The following BBOX1 variants were observed in gnomAD, a reference collection of about 807,000 sequenced individuals.
The protein encoded by BBOX1 is gamma-butyrobetaine dioxygenase.
Under a neutral mutation model 41.6 loss-of-function variants are expected in BBOX1, and 35 were observed. That is an observed-to-expected ratio of 0.84 (90% CI 0.64 to 1.11). BBOX1 has a LOEUF of 1.11. Ranked by LOEUF, BBOX1 falls within the 50% of genes most tolerant of loss-of-function variation. The probability of loss-of-function intolerance (pLI) is 0.00; values close to 1 mark genes in which losing one functional copy is unlikely to be tolerated. For synonymous variants in BBOX1, 163 were observed against 154.7 expected (o/e 1.05, Z -0.40); for missense variants, 458 against 460.6 (o/e 0.99, Z 0.05).
chr11:27,054,574 C>T (rs879730732), intron 2 of BBOX1, among the ~76,000 whole-genome samples: 7 of 152,074 alleles, frequency 4.6e-5, no homozygotes, highest in Admixed American at 3.9e-4. Flanking sequence ...GTTTCCTCTC[C>T]TGTAAATAGT....
At chr11:27,106,398 T>C (rs1213450922) in intron 5 of BBOX1, among the ~76,000 whole-genome samples, 2 of 151,898 alleles carry the variant, frequency 1.3e-5, no homozygotes, top group Non-Finnish European at 2.9e-5. Context: ...GAGGAAGATC[T>C]ACCAGCAAAT....
At chr11:27,045,500 C>T (rs1670357070) in intron 2 of BBOX1, among the ~76,000 whole-genome samples, 2 of 151,698 alleles carry the variant, frequency 1.3e-5, no homozygotes, top group South Asian at 4.2e-4. Context: ...GCATCCTTGT[C>T]TTGTGCCAGT....
At chr11:27,067,266 T>A (rs1033932013) in intron 4 of BBOX1, among the ~76,000 whole-genome samples, 1 of 152,198 alleles carries the variant, frequency 6.6e-6, no homozygotes, top group African/African-American at 2.4e-5. Context: ...AGTGTTTTTT[T>A]ATTACATAAA....
intron 5 of BBOX1, among the ~76,000 whole-genome samples, chr11:27,108,296 T>G (rs1174774703): frequency 7.2e-5 from 11 of 152,100 alleles, no homozygotes; most frequent in Admixed American, 7.2e-4. Context: ...CAGTTTACCC[T>G]TGATCATAGA....
chr11:27,057,185 CT>C lies in BBOX1; in HGVS notation c.220-11del. 6.6e-7 allele frequency: 1 copy of C among 1,517,498 alleles called. No individual in the cohort carries two copies. The highest frequency in any genetic ancestry group is 8.8e-7 in the Non-Finnish European group (1 of 1,131,870). 94.0% of individuals were successfully genotyped at this position (1,517,498 alleles called of 1,614,324 possible). On this transcript the variant is annotated splice_polypyrimidine_tract_variant and intron_variant, in intron 3 of 8. Transcript: ENST00000263182. ...ATAAAATCCACATAGGTGAAATTTG[CT>C]TTTTGTGTTATAAGGTGTACATCAC...
intron 4 of BBOX1, among the ~76,000 whole-genome samples, chr11:27,069,112 G>T (rs1349116339): frequency 6.6e-6 from 1 of 151,690 alleles, no homozygotes; most frequent in Non-Finnish European, 1.5e-5. Context: ...CTAATTCTGG[G>T]AAGAATAATG....
chr11:27,055,464 G>A lies in BBOX1; in HGVS notation c.34G>A (p.Asp12Asn), dbSNP rs1856948212. Residue 12 changes from aspartate to asparagine, a missense_variant, in exon 3 of 9, where the codon GAC becomes AAC. Transcript: ENST00000263182. ...TACCATCCAAAAGGCAGAAGCACTTGACGGGGCTCATTTGATGCAGATCCT... is the reference window on the plus strand; with the variant it reads ...TACCATCCAAAAGGCAGAAGCACTTAACGGGGCTCATTTGATGCAGATCCT... ...ACTIQKAEAL[D>N]GAHLMQILWY... is the part of the protein sequence containing the mutation. The A allele has an allele frequency of 1.2e-6, 2 of 1,614,052 alleles. No homozygotes were observed. Among genetic ancestry groups the A allele is most frequent in the Non-Finnish European group, 1.7e-6 (2 of 1,180,044 alleles).
Position 27,119,858 on chromosome 11 carries a change from T to C in BBOX1, c.836+13T>C. 7.5e-7 allele frequency: 1 copy of C among 1,340,006 alleles called. No homozygotes were observed. The highest frequency in any genetic ancestry group is 9.8e-7 in the Non-Finnish European group (1 of 1,021,062). The allele number at this position is 1,340,006 out of a possible 1,614,324, so 83.0% of individuals were successfully genotyped here. On this transcript the variant is annotated intron_variant, in intron 7 of 8. Transcript: ENST00000263182. ...ATAAAATTATAGAGTAAGTACTATT[T>C]ATAAATTTCCCATAGCAATAAAAGA...
chr11:27,126,261 G>A (rs572330502), intron 8 of BBOX1, among the ~76,000 whole-genome samples: 6 of 152,178 alleles, frequency 3.9e-5, no homozygotes, highest in Middle Eastern at 3.4e-3. Flanking sequence ...CTCTGCTGTC[G>A]GTTTGGCCAG....
intron 5 of BBOX1, among the ~76,000 whole-genome samples, chr11:27,102,409 G>A (rs954110522): frequency 6.6e-6 from 1 of 151,982 alleles, no homozygotes; most frequent in African/African-American, 2.4e-5. Context: ...CACCAGCCAG[G>A]TCAAAAAATG....
Position 27,071,269 on chromosome 11 carries a change from C to T in BBOX1, c.334+13954C>T, listed in dbSNP as rs988080675. 4.0e-5 allele frequency among the ~76,000 whole-genome samples: 6 copies of T among 151,730 alleles called. 1 individual carries two copies. The highest frequency in any genetic ancestry group is 7.3e-5 in the African/African-American group (3 of 41,254). ...TGGTGGCAGGCACCTGTAGTCCCAG[C>T]TACTAGGGAGGCTGAGGCAGGAGAA... On this transcript the variant is annotated intron_variant, in intron 4 of 8. Transcript: ENST00000263182.
At chr11:27,095,164 C>A (rs1010654993) in intron 5 of BBOX1, among the ~76,000 whole-genome samples, 4 of 151,934 alleles carry the variant, frequency 2.6e-5, no homozygotes, top group Admixed American at 2.6e-4. Context: ...GAGCTTTTAG[C>A]CACTGGTGTT....
At position 27,119,819 on chromosome 11, in the gene BBOX1, T is replaced by C. The variant is rs1859401251; in HGVS notation, c.810T>C (p.Ser270=). Residue 270 remains serine (S), a synonymous_variant, in exon 7 of 9, where the codon TCT becomes TCC. Coordinates refer to ENST00000263182, the MANE Select transcript of BBOX1 (RefSeq NM_003986.3). The stretch of plus-strand genomic sequence containing the variant: ...TTGGAGTGGATTACTGTGATTTTTC[T>C]GTACAATCAAAACATAAAATTATAG... ...TDIGVDYCDF[S]VQSKHKIIEL... The C allele has an allele frequency of 1.9e-6, 3 of 1,551,482 alleles. No individual in the cohort carries two copies. Among genetic ancestry groups the C allele is most frequent in the Non-Finnish European group, 8.7e-7 (1 of 1,153,118 alleles).
intron 5 of BBOX1, among the ~76,000 whole-genome samples, chr11:27,100,577 G>T (rs76960752): frequency 0.027 from 4,073 of 152,060 alleles, 189 homozygotes; most frequent in African/African-American, 0.093. Flanking sequence ...AAGTATTAGG[G>T]TTTCTTGAGC....
chr11:27,041,833 A>G (rs970384230), intron 2 of BBOX1, among the ~76,000 whole-genome samples: 3 of 152,204 alleles, frequency 2.0e-5, no homozygotes, highest in African/African-American at 7.2e-5. Flanking sequence ...CTGTCTAAAA[A>G]GAGACTGGGG....
chr11:27,083,703 G>T (rs1319513036), intron 4 of BBOX1, among the ~76,000 whole-genome samples: 1 of 152,010 alleles, frequency 6.6e-6, no homozygotes, highest in African/African-American at 2.4e-5. Flanking sequence ...TTATTCTTAT[G>T]TATTAATATT....
chr11:27,108,742 C>T (rs1206632339), intron 5 of BBOX1, among the ~76,000 whole-genome samples: 1 of 151,992 alleles, frequency 6.6e-6, no homozygotes, highest in Non-Finnish European at 1.5e-5. Context: ...AAGTGTTCCA[C>T]CCTAATTTTA....
intron 2 of BBOX1, among the ~76,000 whole-genome samples, chr11:27,043,914 G>A (rs954762096): frequency 3.3e-5 from 5 of 152,246 alleles, no homozygotes; most frequent in African/African-American, 9.6e-5. Context: ...ACATGTGCAC[G>A]TGTCTTTATA....
At chr11:27,079,368 CTG>C (rs1391063229) in intron 4 of BBOX1, among the ~76,000 whole-genome samples, 3 of 152,066 alleles carry the variant, frequency 2.0e-5, no homozygotes, top group Admixed American at 6.6e-5. Flanking sequence ...GAAAGTGATC[CTG>C]TGTTATCTAT....
Sources: allele counts gnomAD v4.1 joint callset (sites outside exome capture counted in the v4.1 genomes callset), GRCh38; gene constraint gnomAD v4.1.1; transcripts MANE v1.5; gene names NCBI Gene and HGNC (gene_info 2026-07-23, HGNC 2026-07-21).